The following GTF2E2 variants were observed in gnomAD, a reference collection of about 807,000 sequenced individuals.
The protein encoded by GTF2E2 is transcription initiation factor IIE subunit beta.
A neutral mutation model predicts 40.5 loss-of-function variants in GTF2E2; 21 were observed. The observed-to-expected ratio is 0.52, with a 90% confidence interval of 0.37 to 0.75. The LOEUF is 0.75. Ranked by LOEUF, GTF2E2 falls within the 30% of genes least tolerant of loss-of-function variation. GTF2E2 has a pLI of 0.00. For synonymous variants in GTF2E2, 117 were observed against 121.6 expected (o/e 0.96, Z 0.25); for missense variants, 298 against 338.4 (o/e 0.88, Z 0.94).
At chr8:30,651,319 A>G (rs2128730329) in intron 2 of GTF2E2, among the ~76,000 whole-genome samples, 1 of 152,302 alleles carries the variant, frequency 6.6e-6, no homozygotes, top group Non-Finnish European at 1.5e-5. Context: ...AAAAACTACG[A>G]GAAATAAAAA....
At chr8:30,631,808 G>A (rs1585986070) in intron 3 of GTF2E2, among the ~76,000 whole-genome samples, 1 of 152,132 alleles carries the variant, frequency 6.6e-6, no homozygotes, top group Admixed American at 6.6e-5. Context: ...TTAAAAAGGA[G>A]TAACAGGCCA....
intron 6 of GTF2E2, among the ~76,000 whole-genome samples, chr8:30,591,486 C>T (rs972166762): frequency 1.3e-5 from 2 of 151,684 alleles, no homozygotes; most frequent in African/African-American, 2.4e-5. Context: ...CCTGTTTCTA[C>T]AGTAAAAAAA....
intron 3 of GTF2E2, among the ~76,000 whole-genome samples, chr8:30,618,241 G>A (rs1800981726): frequency 8.5e-6 from 1 of 117,812 alleles, no homozygotes; most frequent in Non-Finnish European, 1.6e-5. Context: ...AGGTTGCGGT[G>A]AGCCGAGGTT....
At chr8:30,653,181 AAATG>A (rs1802339863) in intron 2 of GTF2E2, among the ~76,000 whole-genome samples, 1 of 152,228 alleles carries the variant, frequency 6.6e-6, no homozygotes, top group Non-Finnish European at 1.5e-5. Flanking sequence ...TGTAAACTTA[AAATG>A]AATGAACTGT....
chr8:30,620,239 A>AACAC (rs145330914), intron 3 of GTF2E2, among the ~76,000 whole-genome samples: 52 of 150,508 alleles, frequency 3.5e-4, no homozygotes, highest in South Asian at 3.1e-3. Flanking sequence ...CACACACACA[A>AACAC]ACACACACAC....
chr8:30,650,316 TA>T (rs1181272499), intron 2 of GTF2E2, among the ~76,000 whole-genome samples: 1 of 152,126 alleles, frequency 6.6e-6, no homozygotes, highest in Non-Finnish European at 1.5e-5. Context: ...TATATCATAT[TA>T]ATAGACTAAA....
chr8:30,652,904 G>A (rs1239964527), intron 2 of GTF2E2, among the ~76,000 whole-genome samples: 2 of 152,108 alleles, frequency 1.3e-5, no homozygotes, highest in Admixed American at 6.6e-5. Context: ...AAGTACTGAT[G>A]CATACTACAT....
intron 4 of GTF2E2, among the ~76,000 whole-genome samples, chr8:30,612,960 C>A (rs1364403438): frequency 6.6e-6 from 1 of 152,160 alleles, no homozygotes; most frequent in Non-Finnish European, 1.5e-5. Flanking sequence ...TCCTGGACAT[C>A]CAGAATTCCA....
chr8:30,608,018 T>C (rs1416360989), intron 5 of GTF2E2, among the ~76,000 whole-genome samples: 1 of 152,234 alleles, frequency 6.6e-6, no homozygotes, highest in Non-Finnish European at 1.5e-5. Flanking sequence ...AAGAGTCTTC[T>C]TGTTGTCTTT....
chr8:30,585,772 T>TA (rs146018850), intron 6 of GTF2E2, among the ~76,000 whole-genome samples: 2,077 of 67,632 alleles, frequency 0.031, 88 homozygotes, highest in Middle Eastern at 0.047. Flanking sequence ...CTTTGCCCTT[T>TA]AAAAAAAAAA....
In GTF2E2 at chr8:30,616,706, T is replaced by A. The variant is rs1800928565; in HGVS notation, c.259-1991A>T. On this transcript the variant is annotated intron_variant, in intron 3 of 7. Transcript: ENST00000355904. ...GACTGTCACAAATGTACTCTTCTGG[T>A]GCAGGATGTTGATAGTGGAGGAAGC... Among the ~76,000 whole-genome samples the A allele has an allele frequency of 2.0e-5, 3 of 152,086 alleles. No individual in the cohort carries two copies. In the South Asian group the frequency reaches 6.2e-4, roughly 32 times the overall value.
intron 6 of GTF2E2, among the ~76,000 whole-genome samples, chr8:30,586,406 G>A (rs1017793013): frequency 6.6e-6 from 1 of 152,114 alleles, no homozygotes; most frequent in Non-Finnish European, 1.5e-5. Flanking sequence ...GAGATGAGGA[G>A]ATCTCAAGAT....
At chr8:30,603,403 C>T (rs1392203130) in intron 6 of GTF2E2, among the ~76,000 whole-genome samples, 1 of 151,858 alleles carries the variant, frequency 6.6e-6, no homozygotes, top group Non-Finnish European at 1.5e-5. Flanking sequence ...AAAGGAAATA[C>T]TTAAAACAAC....
At chr8:30,596,653 T>C (rs1829014874) in intron 6 of GTF2E2, among the ~76,000 whole-genome samples, 1 of 152,070 alleles carries the variant, frequency 6.6e-6, no homozygotes, top group South Asian at 2.1e-4. Context: ...GTGTCCTGTC[T>C]CAATAGTGTG....
intron 5 of GTF2E2, among the ~76,000 whole-genome samples, chr8:30,609,957 T>C (rs1483156897): frequency 6.6e-6 from 1 of 152,140 alleles, no homozygotes; most frequent in East Asian, 1.9e-4. Context: ...ATAAGCTGAG[T>C]AGACACCAGC....
intron 3 of GTF2E2, among the ~76,000 whole-genome samples, chr8:30,629,238 C>T (rs1801369221): frequency 6.6e-6 from 1 of 152,120 alleles, no homozygotes; most frequent in African/African-American, 2.4e-5. Flanking sequence ...ATATTCTTGA[C>T]CCAGTCCTAC....
chr8:30,602,378 T>C (rs1425628621), intron 6 of GTF2E2, among the ~76,000 whole-genome samples: 1 of 152,148 alleles, frequency 6.6e-6, no homozygotes, highest in African/African-American at 2.4e-5. Flanking sequence ...TTTTCATTCT[T>C]TACATTACAC....
chr8:30,637,972 A>C (rs1201905446), intron 2 of GTF2E2, among the ~76,000 whole-genome samples: 1 of 152,238 alleles, frequency 6.6e-6, no homozygotes, highest in Non-Finnish European at 1.5e-5. Flanking sequence ...CTCTGTCTCT[A>C]AAGAGCCAAC....
intron 1 of GTF2E2, among the ~76,000 whole-genome samples, chr8:30,655,040 A>C (rs6998495): frequency 0.011 from 1,724 of 152,144 alleles, 27 homozygotes; most frequent in African/African-American, 0.038. Flanking sequence ...GTGAAACCCT[A>C]TCTCTACGAA....
Sources: gnomAD v4.1 joint callset for allele counts (sites outside exome capture counted in the v4.1 genomes callset) on GRCh38, gnomAD v4.1.1 for gene constraint, MANE v1.5 for transcripts, NCBI Gene and HGNC (gene_info 2026-07-23, HGNC 2026-07-21) for gene names.